Variants in GABRB2 observed in about 807,000 individuals in gnomAD.
The protein encoded by GABRB2 is gamma-aminobutyric acid type A receptor subunit beta2, also known as gamma-aminobutyric acid receptor subunit beta-2.
A neutral mutation model predicts 54.7 loss-of-function variants in GABRB2; 16 were observed. The ratio of observed to expected loss-of-function variants is 0.29; its 90% CI spans 0.20 to 0.44. The LOEUF (loss-of-function observed/expected upper bound fraction) is 0.44, where lower values mean the gene tolerates loss of function less well. Among genes scored for constraint, GABRB2 ranks in the 20% least tolerant of loss-of-function variants. The pLI is 1.00. For synonymous variants in GABRB2, 244 were observed against 233.8 expected (o/e 1.04, Z -0.40); for missense variants, 355 against 644.0 (o/e 0.55, Z 4.86).
intron 3 of GABRB2, among the ~76,000 whole-genome samples, chr5:161,473,564 T>C (rs557650589): frequency 1.8e-4 from 28 of 152,100 alleles, no homozygotes; most frequent in Non-Finnish European, 2.8e-4. Context: ...AAAAAGAACA[T>C]TAGAATAAGG....
In GABRB2 at chr5:161,416,652, G is replaced by C. The variant is rs1410411329; in HGVS notation, c.459-5595C>G. On this transcript the variant is annotated intron_variant, in intron 4 of 9. Coordinates refer to ENST00000393959, the MANE Select transcript of GABRB2 (RefSeq NM_001371727.1). ...GCGGAGCTTGCGGTGAGCCGAGATC[G>C]CGCCGCTGCACTCCAGCCTGGGCGG... 5.2e-5 allele frequency among the ~76,000 whole-genome samples: 7 copies of C among 135,660 alleles called. No homozygotes were observed. The East Asian group carries it at 1.5e-3, about 30-fold the overall frequency. The allele number at this position is 135,660 out of a possible 152,430, so 89.0% of individuals were successfully genotyped here.
chr5:161,302,031 G>A (rs1419445928), intron 9 of GABRB2, among the ~76,000 whole-genome samples: 2 of 152,226 alleles, frequency 1.3e-5, no homozygotes, highest in Non-Finnish European at 2.9e-5. Context: ...AAGATGGACT[G>A]ATTTATTTGC....
At chr5:161,300,724 C>A (rs1039796747) in intron 9 of GABRB2, among the ~76,000 whole-genome samples, 1 of 152,156 alleles carries the variant, frequency 6.6e-6, no homozygotes, top group Non-Finnish European at 1.5e-5. Context: ...TGGAATGAAT[C>A]TCAGTAATCT....
intron 3 of GABRB2, among the ~76,000 whole-genome samples, chr5:161,527,122 T>G (rs1378016710): frequency 1.3e-5 from 2 of 151,404 alleles, no homozygotes; most frequent in Admixed American, 6.6e-5. Context: ...TAAAACCACA[T>G]AGTGTTGGCA....
At position 161,290,247 on chromosome 5, in the gene GABRB2, G is replaced by GA. The variant is rs1757199217; in HGVS notation, c.*3833_*3834insT. Reference sequence around the variant, plus strand: ...GCCCTAACCAACATGGTGGGGTTTAGTTTTTTTTTTTTCTTCCTCTTTGGA... The same window carrying GA: ...GCCCTAACCAACATGGTGGGGTTTAGATTTTTTTTTTTTCTTCCTCTTTGGA... On this transcript the variant is annotated 3_prime_UTR_variant, in exon 10 of 10. Coordinates refer to ENST00000393959, the MANE Select transcript of GABRB2 (RefSeq NM_001371727.1). 1.4e-5 allele frequency: 2 copies of GA among 145,366 alleles called. No individual in the cohort carries two copies. 9.0% of individuals were successfully genotyped at this position (145,366 alleles called of 1,614,324 possible). A position where few individuals can be genotyped will look rare whatever the true frequency, so the allele number is the denominator to read the frequency against.
chr5:161,546,521 A>C (rs755837312), intron 1 of GABRB2, 46 bp downstream of exon 1: 7 of 1,575,578 alleles, frequency 4.4e-6, no homozygotes, highest in Non-Finnish European at 5.2e-6. Context: ...TGCAGACAGA[A>C]CCCTTCAAAG....
chr5:161,401,298 A>C (rs1189992705), intron 5 of GABRB2, among the ~76,000 whole-genome samples: 1 of 152,216 alleles, frequency 6.6e-6, no homozygotes, highest in Non-Finnish European at 1.5e-5. Flanking sequence ...ACTTAGAAAT[A>C]ATAAAATAAT....
rs919307515 is a variant in GABRB2, at chr5:161,513,664, AAACT to A, written c.237+31559_237+31562del. Among the ~76,000 whole-genome samples the A allele has an allele frequency of 1.8e-4, 28 of 152,044 alleles. 1 individual carries two copies. The highest frequency in any genetic ancestry group is 6.8e-4 in the African/African-American group (28 of 41,436). On this transcript the variant is annotated intron_variant, in intron 3 of 9. Coordinates refer to ENST00000393959, the MANE Select transcript of GABRB2 (RefSeq NM_001371727.1). Reference sequence around the variant, plus strand: ...AGGACAATGGCTGGCAAGGGTTGAAAAACTAACTGTTGCATACTGTGCTCACTAT... The same window carrying A: ...AGGACAATGGCTGGCAAGGGTTGAAAAACTGTTGCATACTGTGCTCACTAT...
chr5:161,414,222 C>T (rs1412932009), intron 4 of GABRB2, among the ~76,000 whole-genome samples: 1 of 152,066 alleles, frequency 6.6e-6, no homozygotes, highest in Non-Finnish European at 1.5e-5. Context: ...ATCATATGGT[C>T]GATGATGAGT....
At chr5:161,329,574 A>G (rs975968645) in intron 8 of GABRB2, 7 of 152,242 alleles carry the variant, frequency 4.6e-5, no homozygotes, top group African/African-American at 1.7e-4. Flanking sequence ...AGAAGCTTCC[A>G]TATGGTTTGC....
intron 4 of GABRB2, among the ~76,000 whole-genome samples, chr5:161,417,369 T>TA (rs779761036): frequency 5.3e-5 from 8 of 152,232 alleles, no homozygotes; most frequent in Non-Finnish European, 1.2e-4. Context: ...ATTCCCATTT[T>TA]ATACATGAGA....
At chr5:161,459,351 T>C (rs949800988) in intron 4 of GABRB2, 1 of 448,520 alleles carries the variant, frequency 2.2e-6, no homozygotes, top group Non-Finnish European at 4.1e-6. Flanking sequence ...CTCAGCTATT[T>C]TGATATTCTT....
chr5:161,374,060 C>G (rs936747655), intron 5 of GABRB2, among the ~76,000 whole-genome samples: 4 of 152,166 alleles, frequency 2.6e-5, no homozygotes, highest in African/African-American at 7.2e-5. Context: ...TGTCCTGCCT[C>G]AGCTTTCCTG....
chr5:161,472,172 T>C (rs940418516), intron 3 of GABRB2, among the ~76,000 whole-genome samples: 2 of 151,898 alleles, frequency 1.3e-5, no homozygotes, highest in African/African-American at 4.8e-5. Context: ...TTTGTTATTA[T>C]TATTAATCTC....
intron 5 of GABRB2, among the ~76,000 whole-genome samples, chr5:161,384,459 T>C (rs1329961216): frequency 6.6e-6 from 1 of 152,194 alleles, no homozygotes; most frequent in African/African-American, 2.4e-5. Context: ...AAGTGGAGAT[T>C]GCCTCAGGCT....
chr5:161,421,302 A>G (rs1756842458), intron 4 of GABRB2, among the ~76,000 whole-genome samples: 1 of 152,192 alleles, frequency 6.6e-6, no homozygotes, highest in Non-Finnish European at 1.5e-5. Context: ...ATGGAGCCTC[A>G]GCAACCCAGC....
chr5:161,418,493 C>T (rs1238148872), intron 4 of GABRB2, among the ~76,000 whole-genome samples: 1 of 152,020 alleles, frequency 6.6e-6, no homozygotes, highest in Non-Finnish European at 1.5e-5. Flanking sequence ...AAAATTAACT[C>T]AAAATGGATT....
chr5:161,355,161 A>G (rs1018025454), intron 5 of GABRB2, among the ~76,000 whole-genome samples: 1 of 151,692 alleles, frequency 6.6e-6, no homozygotes. Flanking sequence ...GATTTTCTTT[A>G]TAGTTGATCA....
At chr5:161,450,854 G>T (rs115513917) in intron 4 of GABRB2, among the ~76,000 whole-genome samples, 1 of 151,988 alleles carries the variant, frequency 6.6e-6, no homozygotes, top group African/African-American at 2.4e-5. Context: ...ACAGCCTATC[G>T]TATGCATTTT....
Sources: gnomAD v4.1 joint callset for allele counts (sites outside exome capture counted in the v4.1 genomes callset) on GRCh38, gnomAD v4.1.1 for gene constraint, MANE v1.5 for transcripts, NCBI Gene and HGNC (gene_info 2026-07-23, HGNC 2026-07-21) for gene names.